Variants in ADGRE2 observed in about 807,000 individuals in gnomAD.
The protein encoded by ADGRE2 is CD97 antigen.
A neutral mutation model predicts 100.8 loss-of-function variants in ADGRE2; 83 were observed. That is an observed-to-expected ratio of 0.82 (90% confidence interval 0.69 to 0.99). The LOEUF (loss-of-function observed/expected upper bound fraction) is 0.99. Ranked by LOEUF, ADGRE2 falls within the 50% of genes least tolerant of loss-of-function variation. The pLI is 0.00. For synonymous variants in ADGRE2, 355 were observed against 413.0 expected (o/e 0.86, Z 1.70); for missense variants, 814 against 1,035.7 (o/e 0.79, Z 2.94).
At chr19:14,731,977 G>A (rs2042675462), downstream of ADGRE2, 1 of 152,070 alleles carries the variant, frequency 6.6e-6, no homozygotes, top group African/African-American at 2.4e-5. Flanking sequence ...GTCCTTAAAG[G>A]GGCTGTGTGT....
At chr19:14,725,508 G>C in the ADGRE2 span, among the ~76,000 whole-genome samples, 3 of 152,130 alleles carry the variant, frequency 2.0e-5, no homozygotes, top group African/African-American at 7.2e-5. Context: ...AGTCTCATCT[G>C]AAGATGAATT....
chr19:14,776,957 A>G, intron 1 of ADGRE2, 30 bp from the exon 2 acceptor site: 2 of 1,406,428 alleles, frequency 1.4e-6, no homozygotes, highest in South Asian at 2.9e-5. Context: ...CACAATAAAA[A>G]CACAGAACCA....
chr19:14,755,260 C>T, intron 13 of ADGRE2, 133 bp from the exon 14 acceptor site: 1 of 770,640 alleles, frequency 1.3e-6, no homozygotes, highest in Non-Finnish European at 2.0e-6. Context: ...ATGGTGAAAC[C>T]CCATCTCTAC....
rs767860069 is a variant in ADGRE2 at position 14,746,712 on chromosome 19, G to A, written c.2091+184C>T. On this transcript the variant is annotated intron_variant, in intron 17 of 20. Coordinates refer to ENST00000315576, the MANE Select transcript of ADGRE2 (RefSeq NM_013447.4). ...AGCCTGTCTAATATGAATTATACAC[G>A]TAAGTCTTTTTCTTAAATATTGAGT... 1.1e-3 allele frequency among the ~76,000 whole-genome samples: 173 copies of A among 152,258 alleles called. 1 individual carries two copies. Among genetic ancestry groups the A allele is most frequent in the Middle Eastern group, 0.01 (3 of 294 alleles).
intron 16 of ADGRE2, among the ~76,000 whole-genome samples, chr19:14,751,090 G>C (rs1468560866): frequency 6.6e-6 from 1 of 152,120 alleles, no homozygotes; most frequent in African/African-American, 2.4e-5. Flanking sequence ...AGGGATTCCA[G>C]GTGCGAGCCA....
chr19:14,748,002 A>G (rs2043143064), intron 16 of ADGRE2, among the ~76,000 whole-genome samples: 1 of 152,086 alleles, frequency 6.6e-6, no homozygotes, highest in Non-Finnish European at 1.5e-5. Flanking sequence ...TTAGGTTCAG[A>G]GGTACATTTT....
the ADGRE2 span, among the ~76,000 whole-genome samples, chr19:14,725,161 G>A: frequency 3.3e-5 from 5 of 152,156 alleles, no homozygotes; most frequent in Admixed American, 2.0e-4. Flanking sequence ...GAGCGAGCAG[G>A]CAGGGGAGAT....
At chr19:14,758,744 G>T (rs2043588967) in intron 11 of ADGRE2, among the ~76,000 whole-genome samples, 1 of 152,064 alleles carries the variant, frequency 6.6e-6, no homozygotes, top group Non-Finnish European at 1.5e-5. Context: ...AATTAGCTGG[G>T]CATGGTGGTG....
chr19:14,773,902 G>T (rs777875697), intron 4 of ADGRE2, 36 bp downstream of exon 4: 1 of 1,589,208 alleles, frequency 6.3e-7, no homozygotes, highest in Non-Finnish European at 8.6e-7. Flanking sequence ...CCTCATAATC[G>T]CAGATGTCCC....
downstream of ADGRE2, among the ~76,000 whole-genome samples, chr19:14,729,813 T>G (rs1262533957): frequency 6.6e-6 from 1 of 152,212 alleles, no homozygotes; most frequent in Non-Finnish European, 1.5e-5. Flanking sequence ...AGGCATACAT[T>G]AATTTGCTAG....
downstream of ADGRE2, among the ~76,000 whole-genome samples, chr19:14,729,269 C>A (rs2042653337): frequency 6.6e-6 from 1 of 152,136 alleles, no homozygotes; most frequent in Non-Finnish European, 1.5e-5. Flanking sequence ...GTAGGAACTG[C>A]CCTATGCACT....
At chr19:14,725,090 G>A in the ADGRE2 span, among the ~76,000 whole-genome samples, 1 of 152,190 alleles carries the variant, frequency 6.6e-6, no homozygotes, top group South Asian at 2.1e-4. Context: ...GAGGGCCTCA[G>A]GAAGCTCACA....
chr19:14,736,898 A>G (rs932182006), intron 20 of ADGRE2, among the ~76,000 whole-genome samples: 1 of 144,634 alleles, frequency 6.9e-6, no homozygotes, highest in Admixed American at 7.0e-5. Context: ...ATATATATTT[A>G]ATATCTATAT....
At chr19:14,729,503 C>T (rs2042654621), downstream of ADGRE2, among the ~76,000 whole-genome samples, 1 of 152,034 alleles carries the variant, frequency 6.6e-6, no homozygotes, top group Admixed American at 6.6e-5. Flanking sequence ...GGACCACAGG[C>T]ATGCACCACC....
chr19:14,727,582 A>G (rs2042641938), downstream of ADGRE2, among the ~76,000 whole-genome samples: 3 of 152,198 alleles, frequency 2.0e-5, no homozygotes, highest in Non-Finnish European at 2.9e-5. Flanking sequence ...TAAACCATTC[A>G]TGAGCGATTT....
At chr19:14,759,480 A>C (rs140824527) in intron 11 of ADGRE2, among the ~76,000 whole-genome samples, 1 of 110,390 alleles carries the variant, frequency 9.1e-6, no homozygotes, top group Non-Finnish European at 1.7e-5. Flanking sequence ...CAAAAAGTAT[A>C]AGTTATACAT....
Position 14,776,764 on chromosome 19 carries a change from G to A in ADGRE2, c.-8C>T, listed in dbSNP as rs375166563. 2 of 1,613,280 alleles carry A rather than the reference G, an allele frequency of 1.2e-6. No individual in the cohort carries two copies. The highest frequency in any genetic ancestry group is 1.7e-6 in the Non-Finnish European group (2 of 1,179,728). On this transcript the variant is annotated 5_prime_UTR_variant, in exon 2 of 21. Transcript: ENST00000315576. ...AAAGACGCGGCCTCCCATGGTTCCA[G>A]CTGAGCTGCCGGCAGGAGCAGCAGG...
At chr19:14,728,005 G>A (rs978295068), downstream of ADGRE2, among the ~76,000 whole-genome samples, 2 of 152,150 alleles carry the variant, frequency 1.3e-5, no homozygotes, top group Admixed American at 6.5e-5. Flanking sequence ...GGTGGATCAC[G>A]AGGTCAGGAG....
In ADGRE2 at chr19:14,765,793, A is replaced by G. The variant is rs763742787; in HGVS notation, c.646T>C (p.Cys216Arg). The change falls in exon 8 of 21, where the codon TGC becomes CGC. Residue 216 changes from cysteine (C) to arginine (R), a missense_variant. By Grantham distance (180) the Cys-to-Arg change is radical. Around this residue, in one of 5 missense-constraint regions of ADGRE2, gnomAD observed 19 missense variants for 64.7 expected, o/e 0.29. Transcript: ENST00000315576. Reference protein sequence around the residue: ...NNTVCEDVDECSSGQHQCDSS... With the variant: ...NNTVCEDVDERSSGQHQCDSS... ...TCACACTGATGCTGCCCGGAGCTGC[A>G]CTCGTCCACATCTGAGGACAGGAAG... 8 of 1,613,044 alleles carry G rather than the reference A, an allele frequency of 5.0e-6. No individual in the cohort carries two copies. The highest frequency in any genetic ancestry group is 6.8e-6 in the Non-Finnish European group (8 of 1,179,354).
Sources: allele counts gnomAD v4.1 joint callset (sites outside exome capture counted in the v4.1 genomes callset), GRCh38; gene constraint gnomAD v4.1.1; regional missense constraint gnomAD v4.1.1; transcripts MANE v1.5; gene names NCBI Gene and HGNC (gene_info 2026-07-23, HGNC 2026-07-21).